NFIL3: variants seen among roughly 807,000 people sequenced by gnomAD.
The protein encoded by NFIL3 is nuclear factor, interleukin 3 regulated.
Under a neutral mutation model 10.0 loss-of-function variants are expected in NFIL3, and 5 were observed. The observed-to-expected ratio is 0.50, with a 90% CI of 0.26 to 1.06. NFIL3 has a LOEUF of 1.06. Among genes scored for constraint, NFIL3 ranks in the 50% least tolerant of loss-of-function variants. NFIL3 has a pLI of 0.13. For synonymous variants in NFIL3, 202 were observed against 206.5 expected (o/e 0.98, Z 0.19); for missense variants, 436 against 547.6 (o/e 0.80, Z 2.03).
intron 1 of NFIL3, among the ~76,000 whole-genome samples, chr9:91,420,220 G>A (rs2482705): frequency 0.13 from 19,212 of 151,954 alleles, 1,442 homozygotes; most frequent in Middle Eastern, 0.17. Flanking sequence ...CATTGAACAC[G>A]ATGGCAAATT....
chr9:91,438,714 T>G, the NFIL3 span, among the ~76,000 whole-genome samples: 4 of 152,328 alleles, frequency 2.6e-5, no homozygotes, highest in African/African-American at 9.6e-5. Context: ...TCCAATTTCA[T>G]TCTTTTATAT....
chr9:91,431,129 G>T, the NFIL3 span, among the ~76,000 whole-genome samples: 1 of 152,180 alleles, frequency 6.6e-6, no homozygotes, highest in African/African-American at 2.4e-5. Flanking sequence ...CCAGGCCCAG[G>T]CCTAGGGGAC....
At chr9:91,483,025 T>G in the NFIL3 span, among the ~76,000 whole-genome samples, 1 of 152,314 alleles carries the variant, frequency 6.6e-6, no homozygotes, top group Admixed American at 6.5e-5. Flanking sequence ...GCTAGAAGAC[T>G]TGTTGCCCAA....
At chr9:91,455,751 A>G in the NFIL3 span, among the ~76,000 whole-genome samples, 1 of 152,190 alleles carries the variant, frequency 6.6e-6, no homozygotes, top group African/African-American at 2.4e-5. Context: ...CCATCACCAC[A>G]TTCAAGTTAA....
At chr9:91,429,287 T>C in the NFIL3 span, among the ~76,000 whole-genome samples, 1 of 152,202 alleles carries the variant, frequency 6.6e-6, no homozygotes, top group Non-Finnish European at 1.5e-5. Context: ...ATTTCACCTC[T>C]CTGAATGTCC....
At chr9:91,424,243 G>A (rs1833836375), upstream of NFIL3, among the ~76,000 whole-genome samples, 1 of 152,144 alleles carries the variant, frequency 6.6e-6, no homozygotes, top group Admixed American at 6.5e-5. Context: ...GTGGCTCTGC[G>A]CTCCCCGCGA....
At chr9:91,475,818 A>C in the NFIL3 span, among the ~76,000 whole-genome samples, 1 of 152,268 alleles carries the variant, frequency 6.6e-6, no homozygotes, top group Non-Finnish European at 1.5e-5. Context: ...TATAGATTAA[A>C]TGAATTTTCC....
intron 1 of NFIL3, among the ~76,000 whole-genome samples, chr9:91,415,255 T>C (rs1243777811): frequency 2.0e-5 from 3 of 152,304 alleles, no homozygotes; most frequent in East Asian, 1.9e-4. Flanking sequence ...GCTTTCTTCT[T>C]GTCATGGAGA....
intron 1 of NFIL3, among the ~76,000 whole-genome samples, chr9:91,421,328 C>T (rs1477649984): frequency 6.6e-6 from 1 of 151,866 alleles, no homozygotes; most frequent in Non-Finnish European, 1.5e-5. Context: ...TCCCTAGCGC[C>T]CGGGCTCCAC....
chr9:91,426,022 ATGTCT>A (rs1833869832), upstream of NFIL3, among the ~76,000 whole-genome samples: 1 of 152,170 alleles, frequency 6.6e-6, no homozygotes, highest in Non-Finnish European at 1.5e-5. Context: ...GTTGTAGTAA[ATGTCT>A]TTCTTTAAAG....
chr9:91,423,946 G>C (rs1339488259), upstream of NFIL3: 1 of 144,544 alleles, frequency 6.9e-6, no homozygotes, highest in South Asian at 2.1e-4. Context: ...GCCAATGGCC[G>C]CGGCCGGCAG....
At chr9:91,472,337 A>G in the NFIL3 span, among the ~76,000 whole-genome samples, 2 of 152,230 alleles carry the variant, frequency 1.3e-5, no homozygotes, top group Admixed American at 6.5e-5. Flanking sequence ...ACTTTCAGGT[A>G]CACCAATCAG....
At chr9:91,478,844 TG>T in the NFIL3 span, among the ~76,000 whole-genome samples, 8 of 152,210 alleles carry the variant, frequency 5.3e-5, no homozygotes, top group African/African-American at 1.9e-4. Flanking sequence ...ACATCCTTTT[TG>T]TTGATGTTGA....
chr9:91,444,977 C>G, the NFIL3 span, among the ~76,000 whole-genome samples: 1 of 152,118 alleles, frequency 6.6e-6, no homozygotes, highest in Non-Finnish European at 1.5e-5. Context: ...CAGGGTCTTG[C>G]AAAACTACTA....
the NFIL3 span, among the ~76,000 whole-genome samples, chr9:91,432,800 G>C: frequency 6.6e-6 from 1 of 152,118 alleles, no homozygotes; most frequent in African/African-American, 2.4e-5. Context: ...GATATATATT[G>C]CTAAAGTAGC....
chr9:91,478,739 T>C, the NFIL3 span, among the ~76,000 whole-genome samples: 1 of 152,164 alleles, frequency 6.6e-6, no homozygotes, highest in Non-Finnish European at 1.5e-5. Context: ...TTTTTGGAAT[T>C]TTCAGCCTTT....
At chr9:91,443,840 G>A in the NFIL3 span, among the ~76,000 whole-genome samples, 1 of 152,162 alleles carries the variant, frequency 6.6e-6, no homozygotes, top group Non-Finnish European at 1.5e-5. Flanking sequence ...GTCTCTTAGC[G>A]GCCCTGGCTC....
rs117654763 is a variant in NFIL3 at position 91,420,115 on chromosome 9, A to C, written c.-173+3525T>G. Among the ~76,000 whole-genome samples, 922 of 152,296 alleles carry C rather than the reference A, an allele frequency of 6.1e-3. 11 individuals carry two copies. Among genetic ancestry groups the C allele is most frequent in the South Asian group, 0.042 (202 of 4,830 alleles). On this transcript the variant is annotated intron_variant, in intron 1 of 1. Coordinates refer to ENST00000297689, the MANE Select transcript of NFIL3 (RefSeq NM_005384.3). ...GCTACTATAATCGACTCATCTCTCT[A>C]TTCCTTCAAGCAGCTCCCCAAAACA...
upstream of NFIL3, among the ~76,000 whole-genome samples, chr9:91,424,340 G>A (rs537077605): frequency 6.6e-6 from 1 of 152,200 alleles, no homozygotes; most frequent in African/African-American, 2.4e-5. Context: ...ACTGCGGGTT[G>A]CGGCTACCCG....
Sources: gnomAD v4.1 joint callset for allele counts (sites outside exome capture counted in the v4.1 genomes callset) on GRCh38, gnomAD v4.1.1 for gene constraint, MANE v1.5 for transcripts, NCBI Gene and HGNC (gene_info 2026-07-23, HGNC 2026-07-21) for gene names.